Variants in CHST11 observed in about 807,000 individuals in gnomAD.
CHST11 encodes C4S-1.
CHST11 carries 9 observed loss-of-function variants against 30.4 expected under a neutral mutation model. That is an observed-to-expected ratio of 0.30 (90% confidence interval 0.18 to 0.52). CHST11 has a LOEUF of 0.52. Ranked by LOEUF, CHST11 falls within the 20% of genes least tolerant of loss-of-function variation. The pLI is 0.97. For synonymous variants in CHST11, 152 were observed against 187.8 expected (o/e 0.81, Z 1.56); for missense variants, 348 against 460.6 (o/e 0.76, Z 2.24).
At chr12:104,620,304 G>A (rs980750135) in intron 2 of CHST11, among the ~76,000 whole-genome samples, 1 of 152,182 alleles carries the variant, frequency 6.6e-6, no homozygotes, top group African/African-American at 2.4e-5. Flanking sequence ...CAGGATAAAT[G>A]AGCTGGAGTT....
intron 2 of CHST11, among the ~76,000 whole-genome samples, chr12:104,611,745 C>T (rs969378545): frequency 5.3e-5 from 8 of 152,128 alleles, no homozygotes; most frequent in African/African-American, 1.2e-4. Context: ...TGCTGATGCC[C>T]GATGTTTCCC....
intron 2 of CHST11, among the ~76,000 whole-genome samples, chr12:104,658,244 G>A (rs79121560): frequency 0.011 from 1,717 of 152,350 alleles, 13 homozygotes; most frequent in Non-Finnish European, 0.018. Flanking sequence ...CACTTCTGGA[G>A]GCTGGGAGTC....
intron 1 of CHST11, among the ~76,000 whole-genome samples, chr12:104,494,748 T>G (rs1013362075): frequency 6.6e-6 from 1 of 152,180 alleles, no homozygotes; most frequent in Admixed American, 6.5e-5. Flanking sequence ...GTAAAACACT[T>G]AAACAATTCA....
chr12:104,632,388 G>A (rs967478051), intron 2 of CHST11, among the ~76,000 whole-genome samples: 3 of 152,294 alleles, frequency 2.0e-5, no homozygotes, highest in South Asian at 2.1e-4. Flanking sequence ...CAAGAGATGC[G>A]TACAACCAGC....
At chr12:104,470,328 G>C (rs2037495953) in intron 1 of CHST11, among the ~76,000 whole-genome samples, 1 of 152,184 alleles carries the variant, frequency 6.6e-6, no homozygotes, top group Non-Finnish European at 1.5e-5. Context: ...CATGGCAGAA[G>C]GCACCTCTTC....
chr12:104,623,436 C>T (rs147110130), intron 2 of CHST11, among the ~76,000 whole-genome samples: 353 of 152,282 alleles, frequency 2.3e-3, no homozygotes, highest in African/African-American at 7.6e-3. Flanking sequence ...GTGGGCTGGA[C>T]GAAGTGGCTC....
intron 2 of CHST11, among the ~76,000 whole-genome samples, chr12:104,695,094 A>G (rs1012895391): frequency 6.6e-6 from 1 of 152,336 alleles, no homozygotes; most frequent in East Asian, 1.9e-4. Context: ...AGATCCTGGC[A>G]TCATCATTTG....
At chr12:104,670,748 C>T (rs2039687708) in intron 2 of CHST11, among the ~76,000 whole-genome samples, 1 of 150,842 alleles carries the variant, frequency 6.6e-6, no homozygotes, top group African/African-American at 2.4e-5. Flanking sequence ...CCCACACATA[C>T]CCCTCACATA....
At chr12:104,461,808 A>G (rs1254804568) in intron 1 of CHST11, among the ~76,000 whole-genome samples, 1 of 152,212 alleles carries the variant, frequency 6.6e-6, no homozygotes, top group African/African-American at 2.4e-5. Context: ...GGTTGAACCT[A>G]AAATGCATTT....
intron 2 of CHST11, among the ~76,000 whole-genome samples, chr12:104,736,183 C>T (rs1432980535): frequency 6.6e-6 from 1 of 152,144 alleles, no homozygotes; most frequent in African/African-American, 2.4e-5. Context: ...GGTATAAATC[C>T]TCCCTTCCCC....
intron 1 of CHST11, among the ~76,000 whole-genome samples, chr12:104,584,746 A>G (rs11112110): frequency 0.017 from 2,617 of 152,322 alleles, 45 homozygotes; most frequent in Non-Finnish European, 0.028. Flanking sequence ...GTCCAAGATT[A>G]TAGGAATAAT....
intron 2 of CHST11, among the ~76,000 whole-genome samples, chr12:104,633,443 C>A (rs2039292012): frequency 9.0e-6 from 1 of 111,220 alleles, no homozygotes; most frequent in Non-Finnish European, 1.7e-5. Flanking sequence ...GAGATGGAGT[C>A]TCACTCTGTC....
intron 2 of CHST11, among the ~76,000 whole-genome samples, chr12:104,704,121 A>C (rs1298895037): frequency 1.3e-5 from 2 of 152,110 alleles, no homozygotes; most frequent in South Asian, 4.1e-4. Context: ...GAAGCAATGC[A>C]CACACTGCTT....
chr12:104,674,626 C>T (rs1033036562), intron 2 of CHST11, among the ~76,000 whole-genome samples: 2 of 152,182 alleles, frequency 1.3e-5, no homozygotes, highest in African/African-American at 2.4e-5. Context: ...AGTCAGAGTT[C>T]CATAAATGTT....
At chr12:104,646,105 T>A (rs2039427567) in intron 2 of CHST11, among the ~76,000 whole-genome samples, 1 of 152,240 alleles carries the variant, frequency 6.6e-6, no homozygotes, top group Non-Finnish European at 1.5e-5. Context: ...ATGGCTCCCA[T>A]GCTGGCTTCC....
intron 2 of CHST11, among the ~76,000 whole-genome samples, chr12:104,756,639 T>C (rs1391412815): frequency 6.6e-6 from 1 of 151,926 alleles, no homozygotes; most frequent in Non-Finnish European, 1.5e-5. Flanking sequence ...CCTTGAACTC[T>C]GGGGCTTAAG....
chr12:104,623,920 T>C (rs1172055376), intron 2 of CHST11, among the ~76,000 whole-genome samples: 3 of 152,168 alleles, frequency 2.0e-5, no homozygotes, highest in Non-Finnish European at 4.4e-5. Flanking sequence ...CCACGAAGCC[T>C]TGTGTAGTCT....
At chr12:104,572,114 G>C (rs1372293172) in intron 1 of CHST11, among the ~76,000 whole-genome samples, 2 of 151,136 alleles carry the variant, frequency 1.3e-5, no homozygotes, top group Non-Finnish European at 2.9e-5. Context: ...GATTCGGTTT[G>C]CCAGTATTTT....
chr12:104,477,798 G>C (rs1410315723), intron 1 of CHST11, among the ~76,000 whole-genome samples: 3 of 152,220 alleles, frequency 2.0e-5, no homozygotes, highest in Admixed American at 6.5e-5. Flanking sequence ...AATGGACTAA[G>C]ACAAGGAACG....
Sources: allele counts gnomAD v4.1 joint callset (sites outside exome capture counted in the v4.1 genomes callset), GRCh38; gene constraint gnomAD v4.1.1; transcripts MANE v1.5; gene names NCBI Gene and HGNC (gene_info 2026-07-23, HGNC 2026-07-21).